C4orf50: variants seen among roughly 807,000 people sequenced by gnomAD.
The protein encoded by C4orf50 is chromosome 4 open reading frame 50, also known as uncharacterized protein C4orf50.
C4orf50 carries 80 observed loss-of-function variants against 77.2 expected under a neutral mutation model. The ratio of observed to expected loss-of-function variants is 1.04; its 90% CI spans 0.87 to 1.25. The LOEUF (loss-of-function observed/expected upper bound fraction) is 1.25. Ranked by LOEUF, C4orf50 falls within the 50% of genes most tolerant of loss-of-function variation. The pLI, the probability that C4orf50 is intolerant of heterozygous loss-of-function variation, is 0.00. For missense variants in C4orf50, 1,257 were observed against 1,152.9 expected (o/e 1.09, Z -1.31); for synonymous variants, 532 against 465.3 (o/e 1.14, Z -1.84).
intron 28 of C4orf50, among the ~76,000 whole-genome samples, chr4:5,986,538 AT>A (rs199690104): frequency 0.053 from 7,237 of 136,088 alleles, 326 homozygotes; most frequent in African/African-American, 0.16. Context: ...TAACAACGTC[AT>A]TTTTTTTTTT....
intron 7 of C4orf50, among the ~76,000 whole-genome samples, chr4:5,926,440 G>A (rs1372847879): frequency 6.6e-6 from 1 of 152,188 alleles, no homozygotes; most frequent in Non-Finnish European, 1.5e-5. Flanking sequence ...CCAGAGCGTG[G>A]AGGGAACAGA....
intron 25 of C4orf50, among the ~76,000 whole-genome samples, chr4:5,994,678 C>T (rs578117017): frequency 6.6e-6 from 1 of 152,360 alleles, no homozygotes; most frequent in African/African-American, 2.4e-5. Flanking sequence ...CCAAACTGCC[C>T]TCTCTTAGCA....
intron 28 of C4orf50, among the ~76,000 whole-genome samples, chr4:5,985,514 TG>T (rs1720809781): frequency 6.6e-6 from 1 of 151,880 alleles, no homozygotes; most frequent in Non-Finnish European, 1.5e-5. Context: ...GATACATTTT[TG>T]AAATGCCAAG....
At chr4:6,014,127 C>T (rs927635228) in intron 23 of C4orf50, among the ~76,000 whole-genome samples, 8 of 151,974 alleles carry the variant, frequency 5.3e-5, no homozygotes, top group Non-Finnish European at 1.0e-4. Context: ...CTCAGCCTCC[C>T]GAGTAGCTGG....
chr4:5,919,478 A>G lies in C4orf50; in HGVS notation c.*2475-21290T>C, dbSNP rs563964146. Among the ~76,000 whole-genome samples the G allele has an allele frequency of 2.0e-5, 3 of 152,302 alleles. No homozygotes were observed. The highest frequency in any genetic ancestry group is 7.2e-5 in the African/African-American group (3 of 41,582). ...GGACTCACCTGCCTCATGCCTCAGC[A>G]GCCCCACAGAGACTGTGCAGGAGGC... On this transcript the variant is annotated intron_variant, in intron 7 of 7. Coordinates refer to the C4orf50 transcript ENST00000324058. This position sits in a 1 kb window ranked among gnomAD's most constrained non-coding sequence, Gnocchi z 6.5.
At chr4:5,956,660 G>A (rs77646648), downstream of C4orf50, 3,082 of 152,378 alleles carry the variant, frequency 0.02, 124 homozygotes, top group African/African-American at 0.07. Flanking sequence ...CCTAAACGCC[G>A]AGGTGGGGCT....
At chr4:6,004,001 GA>G (rs1287687472) in intron 25 of C4orf50, among the ~76,000 whole-genome samples, 3 of 149,934 alleles carry the variant, frequency 2.0e-5, no homozygotes, top group African/African-American at 7.4e-5. Context: ...TGATGATGGT[GA>G]TGGTGATGAT....
intron 7 of C4orf50, among the ~76,000 whole-genome samples, chr4:5,926,444 G>T (rs1717515603): frequency 6.6e-6 from 1 of 152,150 alleles, no homozygotes; most frequent in Non-Finnish European, 1.5e-5. Context: ...AGCGTGGAGG[G>T]AACAGACAGG....
At chr4:5,997,856 C>T (rs1721664042) in intron 25 of C4orf50, among the ~76,000 whole-genome samples, 1 of 152,150 alleles carries the variant, frequency 6.6e-6, no homozygotes, top group African/African-American at 2.4e-5. Context: ...GGATCTTCTG[C>T]AGTGTGGTTT....
Position 6,008,698 on chromosome 4 carries a change from A to C in C4orf50, c.427-166T>G, listed in dbSNP as rs1003192956. Among the ~76,000 whole-genome samples the C allele has an allele frequency of 2.6e-4, 39 of 152,160 alleles. No individual in the cohort carries two copies. The highest frequency in any genetic ancestry group is 5.4e-4 in the Non-Finnish European group (37 of 68,024). ...GTATTATCTCTTTGACTGTTTTGGC[A>C]TCCTCTTAAATTTTGCACGGAGGCA... On this transcript the variant is annotated intron_variant, in intron 24 of 33. Transcript: ENST00000531445. The surrounding 1 kb of genome is among the most constrained non-coding windows in gnomAD (Gnocchi z 6.0).
intron 33 of C4orf50, among the ~76,000 whole-genome samples, chr4:5,960,715 A>G (rs1179774022): frequency 6.6e-6 from 1 of 152,210 alleles, no homozygotes. Flanking sequence ...CTGACTGCAC[A>G]CTGAGGAGCT....
At chr4:5,933,403 T>C (rs945555939) in intron 7 of C4orf50, among the ~76,000 whole-genome samples, 3 of 152,194 alleles carry the variant, frequency 2.0e-5, no homozygotes, top group African/African-American at 4.8e-5. Flanking sequence ...CCAGCCTCTA[T>C]GAATGGCAGC....
At chr4:5,924,645 A>G (rs1717432469) in intron 7 of C4orf50, among the ~76,000 whole-genome samples, 1 of 152,182 alleles carries the variant, frequency 6.6e-6, no homozygotes, top group African/African-American at 2.4e-5. Context: ...GTCTTCTGCC[A>G]TCAGAGTGGC....
At chr4:5,962,599 G>A (rs376084289) in intron 33 of C4orf50, among the ~76,000 whole-genome samples, 14 of 152,268 alleles carry the variant, frequency 9.2e-5, no homozygotes, top group East Asian at 5.8e-4. Context: ...TCCAGGCCAC[G>A]CACCATCTGG....
At chr4:5,967,391 T>C (rs762469859) in intron 32 of C4orf50, 23 bp downstream of exon 10, 30 of 1,607,074 alleles carry the variant, frequency 1.9e-5, no homozygotes, top group Non-Finnish European at 2.3e-5. Context: ...CACAGGCTTT[T>C]CCTGATCAAA....
At position 5,943,581 on chromosome 4, in the gene C4orf50, T is replaced by C. The variant is rs141077457; in HGVS notation, c.*2474+13320A>G. ...TTATCTGCAAAATGGGTATCCTCTT[T>C]CTTGTTCCTCTCTCCTCACAGCTGT... On this transcript the variant is annotated intron_variant, in intron 7 of 7. Coordinates refer to the C4orf50 transcript ENST00000324058. 6.6e-3 allele frequency among the ~76,000 whole-genome samples: 1,012 copies of C among 152,316 alleles called. 17 individuals are homozygous for C. The highest frequency in any genetic ancestry group is 0.023 in the African/African-American group (969 of 41,560).
chr4:5,990,064 G>T lies in C4orf50; in HGVS notation c.1982C>A (p.Ser661Ter). 7.4e-7 allele frequency: 1 copy of T among 1,344,348 alleles called. No homozygotes were observed. Among genetic ancestry groups the T allele is most frequent in the Non-Finnish European group, 9.5e-7 (1 of 1,053,390 alleles). The allele number at this position is 1,344,348 out of a possible 1,614,324, so 83.3% of individuals were successfully genotyped here. The change falls in exon 28 of 34, where the codon TCA becomes TAA. Residue 661 changes from serine to a stop codon, truncating the protein, a stop_gained. Transcript: ENST00000531445. LOFTEE classifies it high-confidence loss of function. ...TGGGGGTGCCACTTCCTCATTCTCT[G>T]ATGACAGTCCTCCTCGGAGACCCCA...
exon 28 of C4orf50, chr4:5,988,526 G>T: frequency 6.5e-7 from 1 of 1,537,902 alleles, no homozygotes; most frequent in Non-Finnish European, 8.7e-7. Flanking sequence ...TCAGCACCGC[G>T]TCTGGAATTC....
intron 28 of C4orf50, among the ~76,000 whole-genome samples, chr4:5,980,745 T>C (rs1720541637): frequency 6.6e-6 from 1 of 152,242 alleles, no homozygotes. Flanking sequence ...GTCACTGTTA[T>C]ACTGAAACAG....
Sources: gnomAD v4.1 joint callset for allele counts (sites outside exome capture counted in the v4.1 genomes callset) on GRCh38, gnomAD v4.1.1 for gene constraint, Gnocchi (gnomAD v3.1) non-coding constraint, MANE v1.5 for transcripts, NCBI Gene and HGNC (gene_info 2026-07-23, HGNC 2026-07-21) for gene names.